The following DCAF1 variants were observed in gnomAD, a reference collection of about 807,000 sequenced individuals.
DCAF1 encodes DDB1- and CUL4-associated factor 1.
In DCAF1, 15 loss-of-function variants were observed where a neutral mutation model predicts 128.0. The ratio of observed to expected loss-of-function variants is 0.12; its 90% CI spans 0.08 to 0.18. The LOEUF is 0.18. Ranked by LOEUF, DCAF1 falls within the 10% of genes least tolerant of loss-of-function variation. The pLI is 1.00. For synonymous variants in DCAF1, 610 were observed against 603.0 expected (o/e 1.01, Z -0.17); for missense variants, 988 against 1,649.5 (o/e 0.60, Z 6.95).
At chr3:51,405,520 T>C (rs2090043398) in intron 23 of DCAF1, among the ~76,000 whole-genome samples, 1 of 151,826 alleles carries the variant, frequency 6.6e-6, no homozygotes, top group East Asian at 1.9e-4. Context: ...GGAGGGGAAA[T>C]TAGTAGGAAA....
chr3:51,479,127 A>C (rs1026159004), intron 3 of DCAF1, among the ~76,000 whole-genome samples: 2 of 152,130 alleles, frequency 1.3e-5, no homozygotes, highest in East Asian at 3.8e-4. Context: ...TGACACATTT[A>C]TTAAATAAAA....
intron 13 of DCAF1, among the ~76,000 whole-genome samples, chr3:51,424,114 T>C (rs1400342941): frequency 6.6e-6 from 1 of 152,064 alleles, no homozygotes; most frequent in African/African-American, 2.4e-5. Flanking sequence ...AGAGAAATGT[T>C]GGATGTCTTT....
At chr3:51,458,811 A>G (rs1703213207) in intron 6 of DCAF1, among the ~76,000 whole-genome samples, 1 of 152,230 alleles carries the variant, frequency 6.6e-6, no homozygotes, top group African/African-American at 2.4e-5. Flanking sequence ...CTCCTGAATG[A>G]CTACTAGGTA....
At chr3:51,399,045 A>C (rs543714316) in intron 24 of DCAF1, among the ~76,000 whole-genome samples, 1 of 152,360 alleles carries the variant, frequency 6.6e-6, no homozygotes, top group Admixed American at 6.5e-5. Flanking sequence ...TGCTCTCCTA[A>C]GGGCCTGGAC....
rs1217233420 is a variant in DCAF1 at position 51,461,219 on chromosome 3, AAAAC to A, written c.375+1891_375+1894del. Among the ~76,000 whole-genome samples the A allele has an allele frequency of 1.2e-4, 18 of 152,272 alleles. No individual in the cohort carries two copies. The South Asian group carries it at 1.7e-3, about 14-fold the overall frequency. On this transcript the variant is annotated intron_variant, in intron 6 of 24. Coordinates refer to ENST00000684031, the MANE Select transcript of DCAF1 (RefSeq NM_001387579.1). ...TGAACTCAAACAAATTTATAAGAAA[AAAAC>A]AAACAACCCCATCAAAAAGTGGGCG...
At chr3:51,501,685 G>A (rs1708816013), upstream of DCAF1, among the ~76,000 whole-genome samples, 1 of 152,094 alleles carries the variant, frequency 6.6e-6, no homozygotes, top group Non-Finnish European at 1.5e-5. Context: ...GTAACTTGGA[G>A]CTACTGCTCC....
chr3:51,471,012 C>A lies in DCAF1; in HGVS notation c.111-7G>T, dbSNP rs373019187. The A allele has an allele frequency of 5.7e-5, 91 of 1,594,488 alleles. No individual in the cohort carries two copies. In the African/African-American group the frequency reaches 1.1e-3, roughly 19 times the overall value. ...TTCAATCAATTGAGACATCCTAGCA[C>A]AAAGGAAACAAGGGGTCAACTCTGG... On this transcript the variant is annotated splice_region_variant and splice_polypyrimidine_tract_variant and intron_variant, in intron 3 of 24. Transcript: ENST00000684031.
chr3:51,424,922 A>G (rs1699771065), intron 13 of DCAF1, among the ~76,000 whole-genome samples: 2 of 152,176 alleles, frequency 1.3e-5, no homozygotes, highest in African/African-American at 4.8e-5. Flanking sequence ...AAATACAACA[A>G]CATGCCAATC....
At chr3:51,465,572 C>T (rs1046624177) in intron 5 of DCAF1, among the ~76,000 whole-genome samples, 8 of 151,736 alleles carry the variant, frequency 5.3e-5, no homozygotes, top group Non-Finnish European at 1.2e-4. Flanking sequence ...GGAGAAACCC[C>T]GTCTCTACTA....
intron 7 of DCAF1, among the ~76,000 whole-genome samples, chr3:51,443,418 G>T (rs1701551121): frequency 6.6e-6 from 1 of 151,916 alleles, no homozygotes. Context: ...GTGAAACCCT[G>T]TCTCTACTAA....
At chr3:51,473,500 A>C (rs1705035464) in intron 3 of DCAF1, among the ~76,000 whole-genome samples, 1 of 147,114 alleles carries the variant, frequency 6.8e-6, no homozygotes, top group Non-Finnish European at 1.5e-5. Flanking sequence ...CAAAAAAAAA[A>C]ACAAAAAACA....
rs189411654 is a variant in DCAF1 at position 51,461,766 on chromosome 3, C to A, written c.375+1348G>T. Reference sequence around the variant, plus strand: ...GATGAGTTCATGTCCTTTGTAGGGACATGGATGAAACTGCCAACCATCATT... The same window carrying A: ...GATGAGTTCATGTCCTTTGTAGGGAAATGGATGAAACTGCCAACCATCATT... On this transcript the variant is annotated intron_variant, in intron 6 of 24. Coordinates refer to ENST00000684031, the MANE Select transcript of DCAF1 (RefSeq NM_001387579.1). Among the ~76,000 whole-genome samples, 493 of 152,206 alleles carry A rather than the reference C, an allele frequency of 3.2e-3. 7 individuals are homozygous for A. The highest frequency in any genetic ancestry group is 0.011 in the African/African-American group (445 of 41,532).
In DCAF1 at chr3:51,476,868, C is replaced by T. The variant is rs117639365; in HGVS notation, c.111-5863G>A. Among the ~76,000 whole-genome samples the T allele has an allele frequency of 6.1e-3, 932 of 151,678 alleles. 22 individuals carry two copies. Among genetic ancestry groups the T allele is most frequent in the East Asian group, 0.048 (248 of 5,148 alleles). On this transcript the variant is annotated intron_variant, in intron 3 of 24. Transcript: ENST00000684031. The stretch of plus-strand genomic sequence containing the variant: ...CCAGCCTGGGCAACAGAGCAGACTC[C>T]GTCTCAAAAAAAAGACCAGCCTGGC...
In DCAF1 at chr3:51,444,917, C is replaced by T. The variant is rs1038382995; in HGVS notation, c.376-1014G>A. On this transcript the variant is annotated intron_variant, in intron 6 of 24. Coordinates refer to ENST00000684031, the MANE Select transcript of DCAF1 (RefSeq NM_001387579.1). ...GTCTCGATCTCCTGACCTCGTGATC[C>T]GCCCCCCTTGGCCTCCCAAAGTGCT... Among the ~76,000 whole-genome samples, 8 of 152,078 alleles carry T rather than the reference C, an allele frequency of 5.3e-5. No homozygotes were observed. In the South Asian group the frequency reaches 6.2e-4, roughly 12 times the overall value.
At chr3:51,403,986 G>C (rs1349789827) in intron 23 of DCAF1, among the ~76,000 whole-genome samples, 2 of 151,638 alleles carry the variant, frequency 1.3e-5, no homozygotes, top group African/African-American at 2.4e-5. Context: ...AAGCCAAAAA[G>C]AAAAAAAAGT....
chr3:51,441,301 T>C, intron 8 of DCAF1, 84 bp downstream of exon 8: 1 of 1,454,216 alleles, frequency 6.9e-7, no homozygotes, highest in Non-Finnish European at 9.2e-7. Flanking sequence ...GAATATATCT[T>C]TGTATAAAAT....
intron 13 of DCAF1, among the ~76,000 whole-genome samples, chr3:51,423,649 C>T (rs888687480): frequency 1.5e-4 from 22 of 151,430 alleles, no homozygotes; most frequent in African/African-American, 5.3e-4. Flanking sequence ...GAAACCCCAT[C>T]TCTATTAAAA....
intron 3 of DCAF1, among the ~76,000 whole-genome samples, chr3:51,474,971 G>C (rs1705255605): frequency 6.6e-6 from 1 of 151,894 alleles, no homozygotes; most frequent in Non-Finnish European, 1.5e-5. Flanking sequence ...TTTTAGTAGA[G>C]ATGGGGTTTC....
the DCAF1 span, among the ~76,000 whole-genome samples, chr3:51,505,338 G>A: frequency 6.6e-6 from 1 of 151,932 alleles, no homozygotes; most frequent in African/African-American, 2.4e-5. Flanking sequence ...ACAGAAGAAT[G>A]GCTTTGTTGA....
Sources: gnomAD v4.1 joint callset for allele counts (sites outside exome capture counted in the v4.1 genomes callset) on GRCh38, gnomAD v4.1.1 for gene constraint, MANE v1.5 for transcripts, NCBI Gene and HGNC (gene_info 2026-07-23, HGNC 2026-07-21) for gene names.